Variants in PTPRM observed in about 807,000 individuals in gnomAD.
PTPRM encodes the protein protein tyrosine phosphatase receptor type M.
PTPRM carries 47 observed loss-of-function variants against 186.7 expected under a neutral mutation model. The observed-to-expected ratio is 0.25, with a 90% confidence interval of 0.20 to 0.32. The LOEUF is 0.32. Ranked by LOEUF, PTPRM falls within the 10% of genes least tolerant of loss-of-function variation. The pLI is 1.00. For synonymous variants in PTPRM, 668 were observed against 674.9 expected, an observed-to-expected ratio of 0.99 and a Z score of 0.16; for missense variants, 1,494 against 1,865.0, an observed-to-expected ratio of 0.80 and a Z score of 3.66.
At chr18:8,291,137 C>A (rs1383791821) in intron 19 of PTPRM, among the ~76,000 whole-genome samples, 1 of 152,156 alleles carries the variant, frequency 6.6e-6, no homozygotes, top group African/African-American at 2.4e-5. Flanking sequence ...AGCCATCCCT[C>A]CTGCTCTCTC....
At chr18:7,827,861 C>T (rs975894421) in intron 2 of PTPRM, among the ~76,000 whole-genome samples, 1 of 152,164 alleles carries the variant, frequency 6.6e-6, no homozygotes, top group Non-Finnish European at 1.5e-5. Flanking sequence ...TGATTAATTA[C>T]TTGCTAGAAA....
rs188132802 is a variant in PTPRM at position 8,068,733 on chromosome 18, T to A, written c.1133-953T>A. The stretch of plus-strand genomic sequence containing the variant: ...ATTATTTCATGTATAATTCTCAAGC[T>A]TTTACTCTTGTTTTCCAATTACATG... On this transcript the variant is annotated intron_variant, in intron 7 of 32. Transcript: ENST00000580170. 3.3e-5 allele frequency among the ~76,000 whole-genome samples: 5 copies of A among 152,344 alleles called. No individual in the cohort carries two copies. In the East Asian group the frequency reaches 5.8e-4, roughly 18 times the overall value.
At chr18:7,762,182 C>A (rs1210217981) in intron 1 of PTPRM, among the ~76,000 whole-genome samples, 1 of 152,008 alleles carries the variant, frequency 6.6e-6, no homozygotes, top group Admixed American at 6.6e-5. Flanking sequence ...ATCAAGAAAA[C>A]CTGTATATTT....
intron 23 of PTPRM, among the ~76,000 whole-genome samples, chr18:8,353,011 C>T (rs193300716): frequency 6.4e-4 from 97 of 152,180 alleles, no homozygotes; most frequent in African/African-American, 2.1e-3. Flanking sequence ...GTGTATATAC[C>T]ACATTTTCTT....
chr18:8,400,582 C>T (rs570008942), intron 32 of PTPRM, among the ~76,000 whole-genome samples: 238 of 152,302 alleles, frequency 1.6e-3, no homozygotes, highest in Non-Finnish European at 2.7e-3. Flanking sequence ...CAGTGCCATG[C>T]GGCGGTGTTC....
intron 20 of PTPRM, among the ~76,000 whole-genome samples, chr18:8,298,169 G>A (rs2095117362): frequency 6.6e-6 from 1 of 152,178 alleles, no homozygotes; most frequent in South Asian, 2.1e-4. Context: ...TGGTTTCTTG[G>A]TCTATCTAGA....
chr18:8,107,604 G>T (rs894209787), intron 11 of PTPRM, among the ~76,000 whole-genome samples: 6 of 152,218 alleles, frequency 3.9e-5, no homozygotes, highest in Non-Finnish European at 8.8e-5. Flanking sequence ...CAAGCTCCTT[G>T]TTATGAGTTA....
chr18:8,052,011 T>C (rs917761314), intron 7 of PTPRM, among the ~76,000 whole-genome samples: 2 of 152,192 alleles, frequency 1.3e-5, no homozygotes, highest in Admixed American at 6.5e-5. Flanking sequence ...GCCTGCACTC[T>C]GAAAAAACAC....
chr18:8,199,770 C>T (rs1373849690), intron 14 of PTPRM, among the ~76,000 whole-genome samples: 1 of 152,120 alleles, frequency 6.6e-6, no homozygotes, highest in Non-Finnish European at 1.5e-5. Context: ...TTCATTTTTG[C>T]ATCTGTCAAA....
intron 2 of PTPRM, among the ~76,000 whole-genome samples, chr18:7,803,918 A>C (rs762305737): frequency 1.2e-4 from 18 of 152,202 alleles, no homozygotes; most frequent in African/African-American, 3.1e-4. Flanking sequence ...GAATGTCTGT[A>C]TGTGTAGGCA....
intron 1 of PTPRM, among the ~76,000 whole-genome samples, chr18:7,694,580 C>T (rs975856027): frequency 1.3e-5 from 2 of 151,892 alleles, no homozygotes; most frequent in Non-Finnish European, 2.9e-5. Flanking sequence ...GTACCCACCA[C>T]CATGCCTGGC....
chr18:8,268,249 T>A (rs557304500), intron 19 of PTPRM, among the ~76,000 whole-genome samples: 1 of 152,296 alleles, frequency 6.6e-6, no homozygotes, highest in South Asian at 2.1e-4. Context: ...TCTTCTTTAA[T>A]GTTTTTCAAT....
intron 2 of PTPRM, among the ~76,000 whole-genome samples, chr18:7,861,767 T>TGAGA (rs138096586): frequency 3.3e-4 from 49 of 148,188 alleles, no homozygotes; most frequent in Middle Eastern, 3.5e-3. Context: ...TGTGTGTGTG[T>TGAGA]GAGAGAGAGA....
chr18:8,185,374 T>C (rs2093628821), intron 14 of PTPRM, among the ~76,000 whole-genome samples: 1 of 152,140 alleles, frequency 6.6e-6, no homozygotes, highest in Non-Finnish European at 1.5e-5. Context: ...ATGATCTCCA[T>C]ATTCTACACG....
intron 24 of PTPRM, among the ~76,000 whole-genome samples, chr18:8,375,642 A>G (rs1191944761): frequency 5.9e-5 from 9 of 152,164 alleles, no homozygotes; most frequent in Non-Finnish European, 1.3e-4. Flanking sequence ...GCACACAGAC[A>G]TCCTTTAATT....
intron 1 of PTPRM, among the ~76,000 whole-genome samples, chr18:7,591,712 G>T (rs977821496): frequency 6.6e-6 from 1 of 152,158 alleles, no homozygotes; most frequent in African/African-American, 2.4e-5. Context: ...CAGGTATTCT[G>T]TGCTTAAAGA....
At chr18:7,844,295 C>T (rs1166137853) in intron 2 of PTPRM, among the ~76,000 whole-genome samples, 2 of 152,242 alleles carry the variant, frequency 1.3e-5, no homozygotes, top group Non-Finnish European at 2.9e-5. Context: ...ACACTCACTT[C>T]TTCCCCTTAA....
chr18:7,724,424 A>G (rs2040506378), intron 1 of PTPRM, among the ~76,000 whole-genome samples: 1 of 152,242 alleles, frequency 6.6e-6, no homozygotes. Context: ...GACCAAACCT[A>G]CAAGAAAATA....
intron 1 of PTPRM, among the ~76,000 whole-genome samples, chr18:7,639,150 C>T (rs1277924715): frequency 6.6e-6 from 1 of 152,196 alleles, no homozygotes; most frequent in Non-Finnish European, 1.5e-5. Context: ...TCTCCACTCA[C>T]TGCAAGCTCC....
Sources: allele counts gnomAD v4.1 joint callset (sites outside exome capture counted in the v4.1 genomes callset), GRCh38; gene constraint gnomAD v4.1.1; transcripts MANE v1.5; gene names NCBI Gene and HGNC (gene_info 2026-07-23, HGNC 2026-07-21).